Variants in WWOX observed in about 807,000 individuals in gnomAD.
WWOX encodes the protein WW domain-containing oxidoreductase.
WWOX carries 69 observed loss-of-function variants against 46.2 expected under a neutral mutation model. That is an observed-to-expected ratio of 1.49 (90% CI 1.23 to 1.82). The LOEUF is 1.82. Among genes scored for constraint, WWOX ranks in the 40% most tolerant of loss-of-function variants. The pLI is 0.00. For missense variants in WWOX, 919 were observed against 542.6 expected (o/e 1.69, Z -6.89); for synonymous variants, 359 against 202.6 (o/e 1.77, Z -6.56).
chr16:78,520,583 T>G lies in WWOX; in HGVS notation c.1056+87831T>G, dbSNP rs1321154434. 2.0e-5 allele frequency among the ~76,000 whole-genome samples: 3 copies of G among 148,246 alleles called. No homozygotes were observed. In the East Asian group the frequency reaches 6.2e-4, roughly 30 times the overall value. ...ATTGGCAGTGGATGTCAGGATTGTC[T>G]GGTGGGAAGGCTGCTGGGACTCACT... On this transcript the variant is annotated intron_variant, in intron 8 of 8. Coordinates refer to ENST00000566780, the MANE Select transcript of WWOX (RefSeq NM_016373.4).
At chr16:78,806,769 C>T (rs1329577079) in intron 8 of WWOX, among the ~76,000 whole-genome samples, 2 of 152,082 alleles carry the variant, frequency 1.3e-5, no homozygotes, top group Non-Finnish European at 1.5e-5. Context: ...ACCAGGTTTG[C>T]AGTGAGAGGA....
At chr16:79,025,061 G>C (rs1287389034) in intron 8 of WWOX, among the ~76,000 whole-genome samples, 3 of 152,174 alleles carry the variant, frequency 2.0e-5, no homozygotes, top group East Asian at 3.9e-4. Flanking sequence ...TGGAGAGTGA[G>C]AGTCCCTCCC....
chr16:79,167,601 C>G (rs557653348), intron 8 of WWOX, among the ~76,000 whole-genome samples: 2 of 152,162 alleles, frequency 1.3e-5, no homozygotes, highest in Non-Finnish European at 2.9e-5. Flanking sequence ...GGCAGCGAAG[C>G]GAATGCCCAC....
At position 79,152,559 on chromosome 16, in the gene WWOX, T is replaced by C. The variant is rs1432399913; in HGVS notation, c.1057-59049T>C. Among the ~76,000 whole-genome samples the C allele has an allele frequency of 2.0e-5, 3 of 151,758 alleles. No individual in the cohort carries two copies. In the East Asian group the frequency reaches 5.8e-4, roughly 29 times the overall value. On this transcript the variant is annotated intron_variant, in intron 8 of 8. Coordinates refer to ENST00000566780, the MANE Select transcript of WWOX (RefSeq NM_016373.4). Reference sequence around the variant, plus strand: ...GGTGGCGTGTTCCTGTAGTCTCAGCTACTCGGGAGGTTGAGGCAGGAGAAT... The same window carrying C: ...GGTGGCGTGTTCCTGTAGTCTCAGCCACTCGGGAGGTTGAGGCAGGAGAAT...
chr16:78,779,752 C>T, intron 8 of WWOX, among the ~76,000 whole-genome samples: 1 of 152,146 alleles, frequency 6.6e-6, no homozygotes, highest in African/African-American at 2.4e-5. Flanking sequence ...ACATTCTTGT[C>T]CTAGGCAGCA....
At chr16:79,203,588 C>G (rs1466037546) in intron 8 of WWOX, 1 of 147,406 alleles carries the variant, frequency 6.8e-6, no homozygotes, top group Non-Finnish European at 1.5e-5. Flanking sequence ...ACCTTAAAAT[C>G]TAAACAAACA....
chr16:78,723,338 G>GTA (rs1567516019), intron 8 of WWOX, among the ~76,000 whole-genome samples: 1 of 152,028 alleles, frequency 6.6e-6, no homozygotes, highest in Non-Finnish European at 1.5e-5. Flanking sequence ...GTCTGTCAAC[G>GTA]TGGCTTTTGC....
At chr16:79,006,565 T>G (rs1238552209) in intron 8 of WWOX, among the ~76,000 whole-genome samples, 1 of 152,160 alleles carries the variant, frequency 6.6e-6, no homozygotes, top group Non-Finnish European at 1.5e-5. Context: ...TGTATTTGTT[T>G]TCAATTGCTG....
In WWOX at chr16:78,325,132, C is replaced by T. The variant is rs377282409; in HGVS notation, c.517-61728C>T. 3.7e-3 allele frequency among the ~76,000 whole-genome samples: 563 copies of T among 152,260 alleles called. 4 individuals are homozygous for T. The highest frequency in any genetic ancestry group is 0.01 in the Middle Eastern group (3 of 294). On this transcript the variant is annotated intron_variant, in intron 5 of 8. Coordinates refer to ENST00000566780, the MANE Select transcript of WWOX (RefSeq NM_016373.4). ...GGTCCCGTCACAGGGCTGTGGCAGC[C>T]TTTAAAGCTAGAAGGCACTGCTCAG... is the stretch of plus-strand genomic sequence containing the variant.
rs542646850 is a variant in WWOX, at chr16:78,912,301, G to A, written c.1057-299307G>A. ...AGTCTCACTGTGTGCCAGGCACTAT[G>A]CTATGCACCTTATGTGTGTTATTTT... On this transcript the variant is annotated intron_variant, in intron 8 of 8. Transcript: ENST00000566780. Among the ~76,000 whole-genome samples the A allele has an allele frequency of 2.6e-5, 4 of 152,140 alleles. No homozygotes were observed. The East Asian group carries it at 7.7e-4, about 29-fold the overall frequency.
chr16:78,201,891 G>C (rs1452954408), intron 5 of WWOX, among the ~76,000 whole-genome samples: 1 of 151,858 alleles, frequency 6.6e-6, no homozygotes, highest in Non-Finnish European at 1.5e-5. Flanking sequence ...AGTAGAGACG[G>C]GATTTTGCTA....
At chr16:78,682,846 A>C (rs573313376) in intron 8 of WWOX, among the ~76,000 whole-genome samples, 1 of 152,198 alleles carries the variant, frequency 6.6e-6, no homozygotes, top group Non-Finnish European at 1.5e-5. Context: ...GCCTGCTGCA[A>C]ATAGAACAGT....
intron 8 of WWOX, among the ~76,000 whole-genome samples, chr16:78,556,359 A>T (rs1004759334): frequency 6.6e-6 from 1 of 152,056 alleles, no homozygotes; most frequent in African/African-American, 2.4e-5. Flanking sequence ...GGTTCAAGGA[A>T]GGCAAAGGGA....
At position 78,417,040 on chromosome 16, in the gene WWOX, G is replaced by GTGTGTGTGTGTGTGTGT. The variant is rs1555535317; in HGVS notation, c.606-7830_606-7829insTGTGTGTGTGTGTGTGT. Among the ~76,000 whole-genome samples the GTGTGTGTGTGTGTGTGT allele has an allele frequency of 2.0e-4, 31 of 151,382 alleles. No individual in the cohort carries two copies. The South Asian group carries it at 5.2e-3, about 26-fold the overall frequency. On this transcript the variant is annotated intron_variant, in intron 6 of 8. Coordinates refer to ENST00000566780, the MANE Select transcript of WWOX (RefSeq NM_016373.4). Reference sequence around the variant, plus strand: ...CCTTGAAGTCAGGTGACCCTTTGGGGGTGTGTGTGTGTTTGCTTCTTTATA... The same window carrying GTGTGTGTGTGTGTGTGT: ...CCTTGAAGTCAGGTGACCCTTTGGGGTGTGTGTGTGTGTGTGTGTGTGTGTGTGTTTGCTTCTTTATA...
At chr16:78,869,664 G>C (rs1315243199) in intron 8 of WWOX, among the ~76,000 whole-genome samples, 1 of 152,164 alleles carries the variant, frequency 6.6e-6, no homozygotes, top group African/African-American at 2.4e-5. Flanking sequence ...GTGGACGTGG[G>C]GAGTGGTGGC....
intron 8 of WWOX, among the ~76,000 whole-genome samples, chr16:78,696,484 T>C (rs2048102324): frequency 1.3e-5 from 2 of 152,098 alleles, no homozygotes; most frequent in East Asian, 1.9e-4. Context: ...TTTTTTTTTT[T>C]CACCTGGGCT....
chr16:78,858,144 TTGTGTGTGTGTGTG>T (rs59637371), intron 8 of WWOX, among the ~76,000 whole-genome samples: 1 of 148,540 alleles, frequency 6.7e-6, no homozygotes, highest in African/African-American at 2.5e-5. Context: ...CATTGTGTGT[TTGTGTGTGTGTGTG>T]TGTGTGTGTG....
intron 5 of WWOX, among the ~76,000 whole-genome samples, chr16:78,324,543 A>G (rs1232844029): frequency 3.3e-5 from 5 of 152,152 alleles, no homozygotes; most frequent in Non-Finnish European, 4.4e-5. Context: ...ATGTCCATCA[A>G]TGGACAAATG....
At chr16:78,748,217 A>G (rs2049395483) in intron 8 of WWOX, among the ~76,000 whole-genome samples, 1 of 152,186 alleles carries the variant, frequency 6.6e-6, no homozygotes, top group African/African-American at 2.4e-5. Context: ...GTGTCCACTC[A>G]ATACATATCT....
Sources: gnomAD v4.1 joint callset for allele counts (sites outside exome capture counted in the v4.1 genomes callset) on GRCh38, gnomAD v4.1.1 for gene constraint, MANE v1.5 for transcripts, NCBI Gene and HGNC (gene_info 2026-07-23, HGNC 2026-07-21) for gene names.